MYT1L: variants seen among roughly 807,000 people sequenced by gnomAD.
MYT1L encodes myelin transcription factor 1 like.
Under a neutral mutation model 126.7 loss-of-function variants are expected in MYT1L, and 12 were observed. The observed-to-expected ratio is 0.09, with a 90% CI of 0.06 to 0.15. MYT1L has a LOEUF of 0.15. Among genes scored for constraint, MYT1L ranks in the 10% least tolerant of loss-of-function variants. MYT1L has a pLI of 1.00. For synonymous variants in MYT1L, 541 were observed against 604.2 expected (o/e 0.90, Z 1.53); for missense variants, 979 against 1,585.2 (o/e 0.62, Z 6.49).
intron 3 of MYT1L, among the ~76,000 whole-genome samples, chr2:2,164,086 A>C (rs1418961914): frequency 6.6e-6 from 1 of 152,204 alleles, no homozygotes. Context: ...TTAAACAGAA[A>C]TAGTGTACGT....
chr2:2,060,801 T>C (rs1574906612), intron 3 of MYT1L, among the ~76,000 whole-genome samples: 1 of 148,074 alleles, frequency 6.8e-6, no homozygotes, highest in South Asian at 2.2e-4. Context: ...TTTCCTTTCC[T>C]TTCCTCTTCT....
intron 5 of MYT1L, among the ~76,000 whole-genome samples, chr2:1,991,831 G>C (rs751632419): frequency 1.3e-5 from 2 of 152,084 alleles, no homozygotes; most frequent in Non-Finnish European, 2.9e-5. Flanking sequence ...CTCTCCATCA[G>C]CGAAGACTAG....
intron 8 of MYT1L, among the ~76,000 whole-genome samples, chr2:1,956,603 TCTATCTATCTATCTATCTAC>T (rs1034482382): frequency 4.6e-5 from 7 of 150,830 alleles, no homozygotes; most frequent in Non-Finnish European, 8.8e-5. Flanking sequence ...TATCTATCTA[TCTATCTATCTATCTATCTAC>T]CTACCTACCT....
intron 2 of MYT1L, among the ~76,000 whole-genome samples, chr2:2,236,117 C>G (rs972612202): frequency 1.1e-4 from 16 of 151,480 alleles, no homozygotes; most frequent in Non-Finnish European, 2.1e-4. Context: ...TACATCCCAA[C>G]CCAACCCAGT....
Position 2,229,420 on chromosome 2 carries a change from T to C in MYT1L, c.-421+54984A>G, listed in dbSNP as rs147152277. Among the ~76,000 whole-genome samples, 1,042 of 152,184 alleles carry C rather than the reference T, an allele frequency of 6.8e-3. 21 individuals carry two copies. The highest frequency in any genetic ancestry group is 0.023 in the African/African-American group (937 of 41,502). On this transcript the variant is annotated intron_variant, in intron 2 of 24. Coordinates refer to ENST00000647738, the MANE Select transcript of MYT1L (RefSeq NM_001303052.2). ...ACATATTCTTGAACACTTATAAAGA[T>C]AGTCTCATAGGATTTCTTTCTTTCT...
chr2:1,792,539 GTC>G, intron 23 of MYT1L, 75 bp from the exon 24 acceptor site: 4 of 1,489,458 alleles, frequency 2.7e-6, no homozygotes, highest in Non-Finnish European at 3.6e-6. Context: ...GGGGGCCACA[GTC>G]TACTGGGTGC....
At chr2:1,851,423 A>C (rs916792439) in intron 19 of MYT1L, among the ~76,000 whole-genome samples, 4 of 152,178 alleles carry the variant, frequency 2.6e-5, no homozygotes, top group African/African-American at 9.7e-5. Flanking sequence ...TGCATGTGAG[A>C]TGTCCTGAGA....
intron 2 of MYT1L, among the ~76,000 whole-genome samples, chr2:2,202,308 C>G (rs970347942): frequency 4.6e-5 from 7 of 151,990 alleles, no homozygotes; most frequent in Non-Finnish European, 1.5e-5. Flanking sequence ...ACAAAAAAAC[C>G]TTCAAAAAAT....
At chr2:1,859,616 C>G (rs2044322736) in intron 18 of MYT1L, among the ~76,000 whole-genome samples, 1 of 152,216 alleles carries the variant, frequency 6.6e-6, no homozygotes, top group South Asian at 2.1e-4. Flanking sequence ...ACTGTAGTAA[C>G]CAGAACACAC....
Position 1,910,231 on chromosome 2 carries a change from G to C in MYT1L, c.1817+9C>G, listed in dbSNP as rs1573482662. On this transcript the variant is annotated intron_variant, in intron 13 of 24. Coordinates refer to ENST00000647738, the MANE Select transcript of MYT1L (RefSeq NM_001303052.2). The surrounding 1 kb of genome is among the most constrained non-coding windows in gnomAD (Gnocchi z 4.8). ...TAGAGCTCACGGATGGTGCACTCCT[G>C]CTGGGTACCTGAGCACGCGGTCCGA... 2 of 1,611,546 alleles carry C rather than the reference G, an allele frequency of 1.2e-6. No individual in the cohort carries two copies. The highest frequency in any genetic ancestry group is 2.2e-5 in the South Asian group (2 of 91,024).
intron 1 of MYT1L, among the ~76,000 whole-genome samples, chr2:2,316,227 A>G (rs538203537): frequency 8.5e-4 from 129 of 152,138 alleles, no homozygotes; most frequent in Middle Eastern, 6.8e-3. Context: ...TTTCGCTGGG[A>G]TATTTTGGGG....
At chr2:1,904,528 C>T (rs1293561762) in intron 13 of MYT1L, among the ~76,000 whole-genome samples, 2 of 151,612 alleles carry the variant, frequency 1.3e-5, no homozygotes, top group Non-Finnish European at 2.9e-5. Flanking sequence ...ACCACCACAC[C>T]TGGCTAATTT....
At chr2:2,202,403 G>T (rs1448572500) in intron 2 of MYT1L, among the ~76,000 whole-genome samples, 1 of 151,924 alleles carries the variant, frequency 6.6e-6, no homozygotes, top group Non-Finnish European at 1.5e-5. Flanking sequence ...AAAGAGAGAA[G>T]AACCAAATAG....
intron 18 of MYT1L, among the ~76,000 whole-genome samples, chr2:1,873,110 C>T (rs940300100): frequency 3.3e-5 from 5 of 152,252 alleles, no homozygotes; most frequent in South Asian, 2.1e-4. Context: ...AGAGAGGGTC[C>T]GCTCTCCAGG....
chr2:2,310,372 T>C (rs975880268), intron 1 of MYT1L, among the ~76,000 whole-genome samples: 2 of 152,084 alleles, frequency 1.3e-5, no homozygotes, highest in African/African-American at 4.8e-5. Context: ...GTATACTCTA[T>C]CTAAACTCCA....
intron 2 of MYT1L, among the ~76,000 whole-genome samples, chr2:2,243,797 G>A (rs1033926543): frequency 6.6e-6 from 1 of 152,138 alleles, no homozygotes; most frequent in Non-Finnish European, 1.5e-5. Flanking sequence ...GTCACTTTTG[G>A]CATCTGATTG....
chr2:2,330,048 C>T (rs924384534), intron 1 of MYT1L, among the ~76,000 whole-genome samples: 2 of 151,768 alleles, frequency 1.3e-5, no homozygotes, highest in South Asian at 2.1e-4. Context: ...GTATGGGAGA[C>T]ATGACTTTAT....
At chr2:1,845,841 G>A (rs1249435215) in intron 19 of MYT1L, among the ~76,000 whole-genome samples, 1 of 152,196 alleles carries the variant, frequency 6.6e-6, no homozygotes, top group African/African-American at 2.4e-5. Flanking sequence ...ATTATTCACT[G>A]TCAAATGTGC....
intron 3 of MYT1L, among the ~76,000 whole-genome samples, chr2:2,106,508 T>G (rs1412294085): frequency 2.6e-5 from 4 of 152,084 alleles, no homozygotes; most frequent in Non-Finnish European, 5.9e-5. Context: ...GAACCAGCTG[T>G]TCAGGAGGCT....
Sources: gnomAD v4.1 joint callset for allele counts (sites outside exome capture counted in the v4.1 genomes callset) on GRCh38, gnomAD v4.1.1 for gene constraint, Gnocchi (gnomAD v3.1) non-coding constraint, MANE v1.5 for transcripts, NCBI Gene and HGNC (gene_info 2026-07-23, HGNC 2026-07-21) for gene names.